Variants in FBXO4 observed in about 807,000 individuals in gnomAD.
FBXO4 encodes the protein F-box protein 4.
In FBXO4, 36 loss-of-function variants were observed where a neutral mutation model predicts 43.7. The observed-to-expected ratio is 0.82, with a 90% CI of 0.63 to 1.09. FBXO4 has a LOEUF of 1.09. Ranked by LOEUF, FBXO4 falls within the 50% of genes least tolerant of loss-of-function variation. FBXO4 has a pLI of 0.00. For missense variants in FBXO4, 435 were observed against 474.1 expected (o/e 0.92, Z 0.77); for synonymous variants, 180 against 165.6 (o/e 1.09, Z -0.67).
the FBXO4 span, among the ~76,000 whole-genome samples, chr5:42,025,650 T>G: frequency 6.6e-6 from 1 of 152,002 alleles, no homozygotes; most frequent in Non-Finnish European, 1.5e-5. Context: ...CCCAGCATTT[T>G]ATTGTAGTAG....
the FBXO4 span, among the ~76,000 whole-genome samples, chr5:41,988,549 C>T: frequency 2.0e-5 from 3 of 152,240 alleles, no homozygotes; most frequent in Non-Finnish European, 2.9e-5. Flanking sequence ...AATTCTCATG[C>T]TTGTCTGCAT....
chr5:41,967,487 G>T, the FBXO4 span: 3 of 661,220 alleles, frequency 4.5e-6, no homozygotes, highest in Admixed American at 1.9e-5. Flanking sequence ...CTCTTTGGGG[G>T]TATATCAATG....
chr5:41,978,162 T>C, the FBXO4 span, among the ~76,000 whole-genome samples: 1 of 152,080 alleles, frequency 6.6e-6, no homozygotes, highest in Non-Finnish European at 1.5e-5. Context: ...GATGGGGAGA[T>C]GCCATGCTCT....
At chr5:41,999,555 A>ATATATATG in the FBXO4 span, among the ~76,000 whole-genome samples, 1 of 122,272 alleles carries the variant, frequency 8.2e-6, no homozygotes, top group African/African-American at 3.5e-5. Flanking sequence ...GTATATATAT[A>ATATATATG]TATATATGTA....
the FBXO4 span, among the ~76,000 whole-genome samples, chr5:41,983,993 T>C: frequency 6.6e-6 from 1 of 152,096 alleles, no homozygotes; most frequent in Non-Finnish European, 1.5e-5. Flanking sequence ...TCATCATTGC[T>C]AATATAATTT....
the FBXO4 span, among the ~76,000 whole-genome samples, chr5:42,026,236 C>A: frequency 0.029 from 4,445 of 151,616 alleles, 187 homozygotes; most frequent in East Asian, 0.1. Context: ...TATAGTTTGC[C>A]TTATAGAGAT....
At chr5:41,953,518 G>A in the FBXO4 span, among the ~76,000 whole-genome samples, 3 of 152,094 alleles carry the variant, frequency 2.0e-5, no homozygotes, top group African/African-American at 7.2e-5. Context: ...ACCCAGTAAT[G>A]GGATGGCTGG....
At chr5:41,966,364 C>G in the FBXO4 span, among the ~76,000 whole-genome samples, 5 of 151,944 alleles carry the variant, frequency 3.3e-5, no homozygotes, top group African/African-American at 9.7e-5. Context: ...CAGATATTCC[C>G]TAACAACACA....
the FBXO4 span, among the ~76,000 whole-genome samples, chr5:42,010,808 C>T: frequency 6.6e-6 from 1 of 152,168 alleles, no homozygotes; most frequent in African/African-American, 2.4e-5. Flanking sequence ...TACATTTCTA[C>T]CAGCAATCCA....
the FBXO4 span, among the ~76,000 whole-genome samples, chr5:41,979,565 T>C: frequency 1.3e-5 from 2 of 152,178 alleles, no homozygotes; most frequent in Non-Finnish European, 2.9e-5. Flanking sequence ...ACTCCCAACA[T>C]GGCCAGTTTC....
At chr5:41,997,683 G>T in the FBXO4 span, among the ~76,000 whole-genome samples, 1 of 152,146 alleles carries the variant, frequency 6.6e-6, no homozygotes, top group African/African-American at 2.4e-5. Flanking sequence ...GGACCACAAT[G>T]ACTTTTAGGG....
the FBXO4 span, among the ~76,000 whole-genome samples, chr5:42,027,779 T>C: frequency 5.9e-5 from 9 of 151,856 alleles, no homozygotes; most frequent in Non-Finnish European, 1.0e-4. Flanking sequence ...TTCTAACTTA[T>C]TCGTTGACCC....
the FBXO4 span, among the ~76,000 whole-genome samples, chr5:41,960,401 C>G: frequency 1.3e-5 from 2 of 152,078 alleles, no homozygotes; most frequent in East Asian, 3.9e-4. Flanking sequence ...ACAGAAGTGT[C>G]AATAATGAAC....
At chr5:41,981,381 AT>A in the FBXO4 span, among the ~76,000 whole-genome samples, 23 of 151,346 alleles carry the variant, frequency 1.5e-4, no homozygotes, top group Middle Eastern at 3.4e-3. Context: ...GCATTCTAAA[AT>A]TTTTTTTTAA....
At chr5:42,036,033 C>A in the FBXO4 span, among the ~76,000 whole-genome samples, 1 of 152,062 alleles carries the variant, frequency 6.6e-6, no homozygotes, top group Admixed American at 6.6e-5. Flanking sequence ...CAAGTAATGT[C>A]CTAGTATAAT....
the FBXO4 span, among the ~76,000 whole-genome samples, chr5:41,999,544 T>C: frequency 6.5e-5 from 7 of 107,048 alleles, no homozygotes; most frequent in African/African-American, 3.4e-4. Context: ...TACATATATA[T>C]GTATATATAT....
chr5:42,011,793 A>AT, the FBXO4 span, among the ~76,000 whole-genome samples: 1 of 152,172 alleles, frequency 6.6e-6, no homozygotes, highest in Non-Finnish European at 1.5e-5. Context: ...ATATTTTCTA[A>AT]TTGTACAAAT....
chr5:41,976,355 A>C, the FBXO4 span, among the ~76,000 whole-genome samples: 1 of 152,198 alleles, frequency 6.6e-6, no homozygotes, highest in Non-Finnish European at 1.5e-5. Flanking sequence ...CCAAAGTTTC[A>C]TCTGAGACTC....
the FBXO4 span, among the ~76,000 whole-genome samples, chr5:42,028,557 G>T: frequency 6.6e-6 from 1 of 151,478 alleles, no homozygotes; most frequent in African/African-American, 2.4e-5. Context: ...ACTTCCTCCT[G>T]CCATTTTGCT....
Sources: allele counts gnomAD v4.1 joint callset (sites outside exome capture counted in the v4.1 genomes callset), GRCh38; gene constraint gnomAD v4.1.1; transcripts MANE v1.5; gene names NCBI Gene and HGNC (gene_info 2026-07-23, HGNC 2026-07-21).